Variants in FHIT observed in about 807,000 individuals in gnomAD.
The protein encoded by FHIT is bis(5'-adenosyl)-triphosphatase.
Under a neutral mutation model 17.9 loss-of-function variants are expected in FHIT, and 19 were observed. That is an observed-to-expected ratio of 1.06 (90% CI 0.74 to 1.56). The LOEUF is 1.56. Ranked by LOEUF, FHIT falls within the 40% of genes most tolerant of loss-of-function variation. The probability of loss-of-function intolerance (pLI) is 0.00; values close to 1 mark genes in which losing one functional copy is unlikely to be tolerated. For synonymous variants in FHIT, 81 were observed against 69.7 expected, an observed-to-expected ratio of 1.16 and a Z score of -0.81; for missense variants, 248 against 189.2, an observed-to-expected ratio of 1.31 and a Z score of -1.82.
At chr3:59,817,208 T>G (rs189714065) in intron 8 of FHIT, among the ~76,000 whole-genome samples, 210 of 152,252 alleles carry the variant, frequency 1.4e-3, no homozygotes, top group African/African-American at 4.4e-3. Flanking sequence ...TTAATGTAAT[T>G]TTAATGTTTG....
chr3:59,945,305 G>A (rs1039557308), intron 7 of FHIT, among the ~76,000 whole-genome samples: 3 of 152,030 alleles, frequency 2.0e-5, no homozygotes, highest in Non-Finnish European at 4.4e-5. Flanking sequence ...TCTGCTTGTT[G>A]GCCTCATGTA....
chr3:61,063,960 C>G (rs1233193608), intron 2 of FHIT, among the ~76,000 whole-genome samples: 1 of 152,172 alleles, frequency 6.6e-6, no homozygotes, highest in Non-Finnish European at 1.5e-5. Flanking sequence ...GTGTGAGGTG[C>G]TTTTCCAGCA....
chr3:61,133,304 G>A (rs1303957080), intron 2 of FHIT, among the ~76,000 whole-genome samples: 7 of 152,166 alleles, frequency 4.6e-5, no homozygotes, highest in Non-Finnish European at 1.0e-4. Flanking sequence ...CTGTTTTGTG[G>A]TTCCTGTATT....
chr3:60,077,948 T>G, intron 5 of FHIT, among the ~76,000 whole-genome samples: 1 of 152,086 alleles, frequency 6.6e-6, no homozygotes, highest in East Asian at 1.9e-4. Context: ...ATGTATCCCA[T>G]ATCATACTTT....
chr3:60,618,621 C>T (rs917894515), intron 4 of FHIT, among the ~76,000 whole-genome samples: 2 of 152,148 alleles, frequency 1.3e-5, no homozygotes, highest in African/African-American at 2.4e-5. Context: ...AGAATCATGG[C>T]CACACCTAAA....
chr3:60,508,770 T>C (rs2034833816), intron 5 of FHIT, among the ~76,000 whole-genome samples: 1 of 152,116 alleles, frequency 6.6e-6, no homozygotes, highest in Non-Finnish European at 1.5e-5. Context: ...ATCTTAAAGT[T>C]CAAAGATGTG....
intron 5 of FHIT, among the ~76,000 whole-genome samples, chr3:60,048,632 G>A (rs529453920): frequency 3.2e-4 from 48 of 152,276 alleles, no homozygotes; most frequent in African/African-American, 9.4e-4. Context: ...GTGAATTGTA[G>A]GACTTCCCTC....
chr3:60,386,454 G>C lies in FHIT; in HGVS notation c.103+150406C>G, dbSNP rs1701015870. ...CACAATATCTATAAAAACATCCATG[G>C]TTATTGCACCATCCACTTGTTCCTC... On this transcript the variant is annotated intron_variant, in intron 5 of 9. Transcript: ENST00000492590. Among the ~76,000 whole-genome samples the C allele has an allele frequency of 1.3e-5, 2 of 152,142 alleles. 1 individual carries two copies. Among genetic ancestry groups the C allele is most frequent in the South Asian group, 4.1e-4 (2 of 4,822 alleles).
At chr3:60,517,070 T>C (rs965104039) in intron 5 of FHIT, among the ~76,000 whole-genome samples, 2 of 152,232 alleles carry the variant, frequency 1.3e-5, no homozygotes, top group African/African-American at 2.4e-5. Context: ...ATTTTGGCTA[T>C]AAAAACATGT....
At chr3:59,883,746 T>C (rs969291546) in intron 8 of FHIT, among the ~76,000 whole-genome samples, 2 of 152,234 alleles carry the variant, frequency 1.3e-5, no homozygotes, top group Non-Finnish European at 2.9e-5. Flanking sequence ...AATTCAGCCA[T>C]ATGAACTGGA....
At chr3:61,078,665 T>C (rs1001658586) in intron 2 of FHIT, among the ~76,000 whole-genome samples, 17 of 152,174 alleles carry the variant, frequency 1.1e-4, no homozygotes, top group Non-Finnish European at 1.9e-4. Flanking sequence ...AATAATATTA[T>C]CAGCAAATAG....
chr3:60,500,771 TAAAAAAAAAAA>T (rs71092606), intron 5 of FHIT, among the ~76,000 whole-genome samples: 4 of 64,860 alleles, frequency 6.2e-5, no homozygotes, highest in African/African-American at 1.8e-4. Flanking sequence ...AGCATCCATC[TAAAAAAAAAAA>T]AAAAAAAAAA....
At chr3:60,531,157 C>T (rs2035763489) in intron 5 of FHIT, among the ~76,000 whole-genome samples, 1 of 151,724 alleles carries the variant, frequency 6.6e-6, no homozygotes, top group African/African-American at 2.4e-5. Flanking sequence ...ATGCACAGAG[C>T]AAAGACAAGA....
At chr3:60,115,776 T>C (rs1391548802) in intron 5 of FHIT, among the ~76,000 whole-genome samples, 9 of 152,154 alleles carry the variant, frequency 5.9e-5, no homozygotes, top group Admixed American at 5.2e-4. Flanking sequence ...AGTATTGACA[T>C]AGTAAAGTAT....
At chr3:60,234,270 A>G (rs182287102) in intron 5 of FHIT, among the ~76,000 whole-genome samples, 1 of 152,200 alleles carries the variant, frequency 6.6e-6, no homozygotes, top group Non-Finnish European at 1.5e-5. Context: ...TTACATGTAT[A>G]TATCTGTAGT....
At chr3:61,038,418 G>T (rs1467025812) in intron 3 of FHIT, among the ~76,000 whole-genome samples, 1 of 152,174 alleles carries the variant, frequency 6.6e-6, no homozygotes, top group African/African-American at 2.4e-5. Flanking sequence ...AGTCTACAGT[G>T]GGAATGGAGG....
chr3:61,154,694 A>G (rs2037486317), intron 2 of FHIT, among the ~76,000 whole-genome samples: 1 of 152,190 alleles, frequency 6.6e-6, no homozygotes, highest in Non-Finnish European at 1.5e-5. Context: ...CTTCCCTGGA[A>G]TGAGCCAGAA....
chr3:60,143,126 T>G (rs1383511043), intron 5 of FHIT, among the ~76,000 whole-genome samples: 3 of 152,162 alleles, frequency 2.0e-5, no homozygotes, highest in Non-Finnish European at 4.4e-5. Flanking sequence ...TACAGTGATT[T>G]TGTTAGAGGC....
intron 5 of FHIT, among the ~76,000 whole-genome samples, chr3:60,145,909 C>T (rs930593594): frequency 2.6e-5 from 4 of 152,180 alleles, no homozygotes; most frequent in Non-Finnish European, 2.9e-5. Context: ...AATAATCTGT[C>T]AGGTTGTTAT....
Sources: allele counts gnomAD v4.1 joint callset (sites outside exome capture counted in the v4.1 genomes callset), GRCh38; gene constraint gnomAD v4.1.1; transcripts MANE v1.5; gene names NCBI Gene and HGNC (gene_info 2026-07-23, HGNC 2026-07-21).